The following DENND4C variants were observed in gnomAD, a reference collection of about 807,000 sequenced individuals.
The protein encoded by DENND4C is DENN domain-containing protein 4C.
A neutral mutation model predicts 203.0 loss-of-function variants in DENND4C; 108 were observed. The observed-to-expected ratio is 0.53, with a 90% confidence interval of 0.46 to 0.62. DENND4C has a LOEUF of 0.62. Ranked by LOEUF, DENND4C falls within the 20% of genes least tolerant of loss-of-function variation. The probability of loss-of-function intolerance (pLI) is 0.00; values close to 1 mark genes in which losing one functional copy is unlikely to be tolerated. For missense variants in DENND4C, 2,481 were observed against 2,301.2 expected, an observed-to-expected ratio of 1.08 and a Z score of -1.60; for synonymous variants, 871 against 792.4, an observed-to-expected ratio of 1.10 and a Z score of -1.67.
At chr9:19,347,584 T>C (rs921724566) in intron 23 of DENND4C, among the ~76,000 whole-genome samples, 11 of 152,252 alleles carry the variant, frequency 7.2e-5, no homozygotes, top group Admixed American at 7.2e-4. Context: ...CTGGTAACTT[T>C]GGTTTTCATA....
Position 19,328,108 on chromosome 9 carries a change from T to C in DENND4C, c.2199T>C (p.Pro733=), listed in dbSNP as rs1312912036. The C allele has an allele frequency of 3.1e-6, 5 of 1,613,848 alleles. No individual in the cohort carries two copies. The highest frequency in any genetic ancestry group is 4.2e-6 in the Non-Finnish European group (5 of 1,179,872). ...TGAAACTTTGTTTTAGTAGACACCCTACTGGGAATAGCATTACAAAGAGTC... is the reference window on the plus strand; with the variant it reads ...TGAAACTTTGTTTTAGTAGACACCCCACTGGGAATAGCATTACAAAGAGTC... ...QELKLCFSRH[P]TGNSITKSPP... Residue 733 remains proline (P), a synonymous_variant, in exon 16 of 33, where the codon CCT becomes CCC. Transcript: ENST00000434457.
In DENND4C at chr9:19,305,345, T is replaced by C. The variant is rs1839449616; in HGVS notation, c.1312-7T>C. The C allele has an allele frequency of 6.4e-7, 1 of 1,574,696 alleles. No individual in the cohort carries two copies. Among genetic ancestry groups the C allele is most frequent in the Non-Finnish European group, 8.6e-7 (1 of 1,161,838 alleles). On this transcript the variant is annotated splice_region_variant and splice_polypyrimidine_tract_variant and intron_variant, in intron 9 of 32. Transcript: ENST00000434457. Reference sequence around the variant, plus strand: ...ATTTGGTTAATTTTTTAAAACTTTTTCCCCAGATGATCTTTCCATTTCAGT... The same window carrying C: ...ATTTGGTTAATTTTTTAAAACTTTTCCCCCAGATGATCTTTCCATTTCAGT...
chr9:19,280,992 C>T (rs541490795), intron 2 of DENND4C, among the ~76,000 whole-genome samples: 4 of 152,254 alleles, frequency 2.6e-5, no homozygotes, highest in East Asian at 1.9e-4. Flanking sequence ...CTGCTCACCT[C>T]GGCCTCCCGA....
intron 27 of DENND4C, 53 bp downstream of exon 27, chr9:19,357,207 TA>T (rs1825618522): frequency 1.9e-6 from 3 of 1,585,726 alleles, no homozygotes; most frequent in African/African-American, 1.4e-5. Flanking sequence ...GGTACCCTTG[TA>T]AAAATTCTGT....
At chr9:19,336,957 A>G in intron 20 of DENND4C, 125 bp downstream of exon 20, 1 of 910,060 alleles carries the variant, frequency 1.1e-6, no homozygotes, top group Non-Finnish European at 1.6e-6. Context: ...GTATGCTTAC[A>G]AGAGAAACAA....
intron 17 of DENND4C, among the ~76,000 whole-genome samples, chr9:19,332,530 T>C (rs2131802607): frequency 6.7e-6 from 1 of 150,142 alleles, no homozygotes; most frequent in Admixed American, 6.6e-5. Context: ...TTTTTTTTTT[T>C]TTTTTTGTAT....
chr9:19,256,668 T>C (rs2131688830), intron 1 of DENND4C, among the ~76,000 whole-genome samples: 1 of 152,158 alleles, frequency 6.6e-6, no homozygotes, highest in East Asian at 1.9e-4. Flanking sequence ...ATCTGTGTCT[T>C]TTTTATGTTA....
In DENND4C at chr9:19,372,134, C is replaced by A. The variant is rs533308722; in HGVS notation, c.5838C>A (p.Val1946=). 1.2e-6 allele frequency: 2 copies of A among 1,613,944 alleles called. No individual in the cohort carries two copies. The highest frequency in any genetic ancestry group is 2.2e-5 in the South Asian group (2 of 91,070). ...TTGATGCTCCACCAAGTGCCAGTGT[C>A]GAGTGGTGCAGGAAGTGTTTTGGAG... The part of the protein sequence containing the change: ...QKIDAPPSAS[V]EWCRKCFGAP... Residue 1946 remains valine, a synonymous_variant, in exon 33 of 33, where the codon GTC becomes GTA. Coordinates refer to ENST00000434457, the MANE Select transcript of DENND4C (RefSeq NM_001330640.2).
chr9:19,353,346 C>T (rs12003287), intron 26 of DENND4C, among the ~76,000 whole-genome samples: 7,379 of 152,132 alleles, frequency 0.049, 571 homozygotes, highest in African/African-American at 0.17. Flanking sequence ...AAAAAATACA[C>T]TGCCAGGTGT....
At chr9:19,256,498 AAGAG>A (rs1828004669) in intron 1 of DENND4C, among the ~76,000 whole-genome samples, 1 of 151,366 alleles carries the variant, frequency 6.6e-6, no homozygotes, top group Non-Finnish European at 1.5e-5. Context: ...GTACTTTTAG[AAGAG>A]AGAGGTTTCT....
At chr9:19,287,956 G>A (rs1835544605) in intron 3 of DENND4C, among the ~76,000 whole-genome samples, 2 of 152,166 alleles carry the variant, frequency 1.3e-5, no homozygotes, top group Admixed American at 1.3e-4. Flanking sequence ...GGATGGTCTT[G>A]ATCTCTTGAC....
chr9:19,248,587 TC>T (rs1825815900), intron 1 of DENND4C, among the ~76,000 whole-genome samples: 2 of 151,710 alleles, frequency 1.3e-5, no homozygotes, highest in South Asian at 4.2e-4. Flanking sequence ...ATGGGGTTTC[TC>T]CATATTGGTC....
At chr9:19,247,594 T>G (rs971296133) in intron 1 of DENND4C, among the ~76,000 whole-genome samples, 2 of 152,158 alleles carry the variant, frequency 1.3e-5, no homozygotes, top group East Asian at 1.9e-4. Context: ...TGGGTCTTGC[T>G]GTGTTGCCCA....
At position 19,331,988 on chromosome 9, in the gene DENND4C, C is replaced by T; in HGVS notation, c.2264C>T (p.Thr755Ile). The change falls in exon 17 of 33, where the codon ACA (threonine) becomes ATA (isoleucine). Residue 755 changes from threonine to isoleucine, a missense_variant. This residue lies in a region of DENND4C where 2,289 missense variants were observed against 2,113.3 expected (regional missense o/e 1.08). Transcript: ENST00000434457. ...TTATTCTCTTTCTAGGAAATAAAAA[C>T]AGCTCATAAATTGGCGAAGAGATGT... ...MAKRTKQEIK[T>I]AHKLAKRCYT... 3 of 1,613,174 alleles carry T rather than the reference C, an allele frequency of 1.9e-6. No individual in the cohort carries two copies. Among genetic ancestry groups the T allele is most frequent in the Non-Finnish European group, 2.5e-6 (3 of 1,179,528 alleles).
intron 5 of DENND4C, among the ~76,000 whole-genome samples, chr9:19,293,107 C>A (rs984144505): frequency 3.7e-4 from 57 of 152,298 alleles, no homozygotes; most frequent in African/African-American, 1.3e-3. Flanking sequence ...TAATCATTTA[C>A]AATTTCTCCT....
At chr9:19,273,395 T>C (rs1454907887) in intron 1 of DENND4C, among the ~76,000 whole-genome samples, 3 of 152,018 alleles carry the variant, frequency 2.0e-5, no homozygotes, top group Non-Finnish European at 2.9e-5. Context: ...TGACATGATT[T>C]CTTACGACAT....
chr9:19,337,609 A>G (rs1236285055), intron 20 of DENND4C: 1 of 1,282,394 alleles, frequency 7.8e-7, no homozygotes, highest in South Asian at 1.3e-5. Flanking sequence ...AGACAGACTT[A>G]TATGACGTGA....
intron 1 of DENND4C, among the ~76,000 whole-genome samples, chr9:19,269,552 T>C (rs1198959890): frequency 2.0e-5 from 3 of 152,228 alleles, no homozygotes; most frequent in East Asian, 3.8e-4. Flanking sequence ...GATTCATTCT[T>C]GTTTATCAGT....
rs371068390 is a variant in DENND4C at position 19,331,970 on chromosome 9, C to T, written c.2254-8C>T. ...AGTAAATATCATAATATTTTATTCTCTTTCTAGGAAATAAAAACAGCTCAT... is the reference window on the plus strand; with the variant it reads ...AGTAAATATCATAATATTTTATTCTTTTTCTAGGAAATAAAAACAGCTCAT... On this transcript the variant is annotated splice_region_variant and splice_polypyrimidine_tract_variant and intron_variant, in intron 16 of 32. Coordinates refer to ENST00000434457, the MANE Select transcript of DENND4C (RefSeq NM_001330640.2). 8.7e-6 allele frequency: 14 copies of T among 1,608,246 alleles called. No homozygotes were observed. Among genetic ancestry groups the T allele is most frequent in the Non-Finnish European group, 1.2e-5 (14 of 1,176,532 alleles).
Sources: allele counts gnomAD v4.1 joint callset (sites outside exome capture counted in the v4.1 genomes callset), GRCh38; gene constraint gnomAD v4.1.1; regional missense constraint gnomAD v4.1.1; transcripts MANE v1.5; gene names NCBI Gene and HGNC (gene_info 2026-07-23, HGNC 2026-07-21).